Variants in ENTPD1 observed in about 807,000 individuals in gnomAD.
The protein encoded by ENTPD1 is ectonucleoside triphosphate diphosphohydrolase 1.
In ENTPD1, 33 loss-of-function variants were observed where a neutral mutation model predicts 57.0. The observed-to-expected ratio is 0.58, with a 90% CI of 0.44 to 0.77. The LOEUF (loss-of-function observed/expected upper bound fraction) is 0.77, where lower values mean the gene tolerates loss of function less well. ENTPD1 is among the 30% of genes least tolerant of loss of function. ENTPD1 has a pLI of 0.00. For synonymous variants in ENTPD1, 202 were observed against 218.8 expected (o/e 0.92, Z 0.68); for missense variants, 501 against 603.4 (o/e 0.83, Z 1.78).
intron 3 of ENTPD1, among the ~76,000 whole-genome samples, chr10:95,841,054 T>G (rs2098421397): frequency 6.6e-6 from 1 of 152,190 alleles, no homozygotes; most frequent in Non-Finnish European, 1.5e-5. Flanking sequence ...TCCCTCATTT[T>G]ATTGGCTTTT....
intron 8 of ENTPD1, 74 bp downstream of exon 8, chr10:95,860,656 G>A: frequency 5.4e-6 from 7 of 1,300,798 alleles, no homozygotes; most frequent in Non-Finnish European, 7.7e-6. Context: ...ATGTGAGTCT[G>A]CTCTGAAACT....
At chr10:95,754,615 C>T (rs2098017953), upstream of ENTPD1, 1 of 152,076 alleles carries the variant, frequency 6.6e-6, no homozygotes, top group Non-Finnish European at 1.5e-5. Flanking sequence ...CAAAAAATCC[C>T]ATCATATCAC....
chr10:95,825,776 C>T (rs1156991011), intron 2 of ENTPD1, among the ~76,000 whole-genome samples: 1 of 152,064 alleles, frequency 6.6e-6, no homozygotes, highest in Admixed American at 6.5e-5. Flanking sequence ...GACGGGGTTT[C>T]ACCATGTTAG....
At chr10:95,857,979 G>A (rs1413045471) in intron 7 of ENTPD1, among the ~76,000 whole-genome samples, 1 of 152,112 alleles carries the variant, frequency 6.6e-6, no homozygotes, top group African/African-American at 2.4e-5. Flanking sequence ...GGCTAATGCG[G>A]TGAAACCCCG....
chr10:95,695,317 G>A, the ENTPD1 span, among the ~76,000 whole-genome samples: 1 of 152,178 alleles, frequency 6.6e-6, no homozygotes, highest in Non-Finnish European at 1.5e-5. Flanking sequence ...CCTAGACCCA[G>A]TATTTTCCTA....
chr10:95,814,174 G>C (rs951310441), intron 1 of ENTPD1, among the ~76,000 whole-genome samples: 3 of 152,178 alleles, frequency 2.0e-5, no homozygotes, highest in African/African-American at 7.2e-5. Context: ...GCCGGAAACA[G>C]CCTTCCTCCC....
chr10:95,774,407 T>C (rs904636276), intron 1 of ENTPD1, among the ~76,000 whole-genome samples: 8 of 152,222 alleles, frequency 5.3e-5, no homozygotes, highest in African/African-American at 1.9e-4. Context: ...TCTTTGCCCA[T>C]ACCTATGTCC....
rs765264458 is a variant in ENTPD1 at position 95,842,340 on chromosome 10, C to T, written c.263-4C>T. On this transcript the variant is annotated splice_region_variant and splice_polypyrimidine_tract_variant and intron_variant, in intron 3 of 9. Transcript: ENST00000371205. ...AGATTGTTATCTTCTACATTTTTTCCTAGGTCCTGGAATCTCAAAATTTGT... is the reference window on the plus strand; with the variant it reads ...AGATTGTTATCTTCTACATTTTTTCTTAGGTCCTGGAATCTCAAAATTTGT... 7.4e-6 allele frequency: 12 copies of T among 1,611,524 alleles called. No individual in the cohort carries two copies. Among genetic ancestry groups the T allele is most frequent in the Non-Finnish European group, 1.0e-5 (12 of 1,178,180 alleles).
chr10:95,872,949 C>CA lies in ENTPD1; in HGVS notation c.*6567dup, dbSNP rs754431875. 4.6e-5 allele frequency: 45 copies of CA among 985,226 alleles called. No individual in the cohort carries two copies. Among genetic ancestry groups the CA allele is most frequent in the Non-Finnish European group, 5.3e-5 (44 of 829,920 alleles). 61.0% of individuals were successfully genotyped at this position (985,226 alleles called of 1,614,324 possible). A position where few individuals can be genotyped will look rare whatever the true frequency, so the allele number is the denominator to read the frequency against. On this transcript the variant is annotated 3_prime_UTR_variant, in exon 10 of 10. Transcript: ENST00000371205. ...TTGCCATGCAGCACTTCATTGTACACATTATTAAAACAGAATTTTAAGGAT... is the reference window on the plus strand; with the variant it reads ...TTGCCATGCAGCACTTCATTGTACACAATTATTAAAACAGAATTTTAAGGAT...
chr10:95,769,115 C>T (rs1373390137), intron 1 of ENTPD1, among the ~76,000 whole-genome samples: 1 of 152,236 alleles, frequency 6.6e-6, no homozygotes, highest in Non-Finnish European at 1.5e-5. Flanking sequence ...AGGCAAAAGT[C>T]TCGCCATGTA....
intron 1 of ENTPD1, among the ~76,000 whole-genome samples, chr10:95,724,902 G>A (rs11188451): frequency 0.055 from 8,334 of 152,226 alleles, 266 homozygotes; most frequent in South Asian, 0.088. Flanking sequence ...AATTTGAGAA[G>A]TTTTGGGCCT....
At chr10:95,797,093 T>C (rs2098229629) in intron 1 of ENTPD1, among the ~76,000 whole-genome samples, 1 of 151,312 alleles carries the variant, frequency 6.6e-6, no homozygotes, top group Non-Finnish European at 1.5e-5. Context: ...AAAAACAAAA[T>C]AAGGAGATAA....
intron 4 of ENTPD1, among the ~76,000 whole-genome samples, chr10:95,843,978 T>A (rs948606378): frequency 2.0e-5 from 3 of 152,188 alleles, no homozygotes; most frequent in African/African-American, 7.2e-5. Context: ...TTTTTCCCAG[T>A]CTGGCAGCAG....
At chr10:95,838,643 GA>G (rs1355319965) in intron 2 of ENTPD1, among the ~76,000 whole-genome samples, 4 of 152,178 alleles carry the variant, frequency 2.6e-5, no homozygotes, top group Non-Finnish European at 5.9e-5. Flanking sequence ...AACTGACTGA[GA>G]GGGGCACTGG....
At chr10:95,819,791 C>T (rs2098342697) in intron 1 of ENTPD1, among the ~76,000 whole-genome samples, 1 of 152,222 alleles carries the variant, frequency 6.6e-6, no homozygotes, top group South Asian at 2.1e-4. Context: ...TTCTCCAGTA[C>T]AGTAAGCCAA....
At chr10:95,822,573 G>A (rs974232432) in intron 1 of ENTPD1, among the ~76,000 whole-genome samples, 1 of 152,222 alleles carries the variant, frequency 6.6e-6, no homozygotes, top group Admixed American at 6.5e-5. Context: ...GGGACTACAG[G>A]TGTGAGCTGC....
At chr10:95,774,088 T>C (rs1298076300) in intron 1 of ENTPD1, among the ~76,000 whole-genome samples, 5 of 152,392 alleles carry the variant, frequency 3.3e-5, no homozygotes, top group Admixed American at 6.5e-5. Flanking sequence ...TGACCAGTGA[T>C]GATGAGCATT....
At chr10:95,741,558 G>A (rs921718642) in intron 1 of ENTPD1, among the ~76,000 whole-genome samples, 8 of 152,168 alleles carry the variant, frequency 5.3e-5, no homozygotes, top group African/African-American at 1.2e-4. Context: ...ATGCAGGGTC[G>A]CTACAAACCT....
At chr10:95,761,918 G>A (rs569229399) in intron 1 of ENTPD1, among the ~76,000 whole-genome samples, 2 of 152,294 alleles carry the variant, frequency 1.3e-5, no homozygotes, top group South Asian at 4.1e-4. Context: ...CATTGTCTAC[G>A]CTCTGCAGAA....
Sources: allele counts gnomAD v4.1 joint callset (sites outside exome capture counted in the v4.1 genomes callset), GRCh38; gene constraint gnomAD v4.1.1; transcripts MANE v1.5; gene names NCBI Gene and HGNC (gene_info 2026-07-23, HGNC 2026-07-21).